NCOA3: variants seen among roughly 807,000 people sequenced by gnomAD.
NCOA3 encodes nuclear receptor coactivator 3.
Under a neutral mutation model 158.8 loss-of-function variants are expected in NCOA3, and 51 were observed. That is an observed-to-expected ratio of 0.32 (90% confidence interval 0.26 to 0.41). The LOEUF (loss-of-function observed/expected upper bound fraction) is 0.41, where lower values mean the gene tolerates loss of function less well. NCOA3 is among the 10% of genes least tolerant of loss of function. NCOA3 has a pLI of 1.00. For missense variants in NCOA3, 1,510 were observed against 1,746.6 expected, an observed-to-expected ratio of 0.86 and a Z score of 2.41; for synonymous variants, 537 against 592.4, an observed-to-expected ratio of 0.91 and a Z score of 1.36.
At chr20:47,537,737 AC>A (rs1237683273) in intron 1 of NCOA3, among the ~76,000 whole-genome samples, 2 of 151,696 alleles carry the variant, frequency 1.3e-5, no homozygotes, top group Non-Finnish European at 2.9e-5. Flanking sequence ...TTGTCACCAC[AC>A]CCGGCTAATT....
chr20:47,530,788 C>G (rs1178064081), intron 1 of NCOA3, among the ~76,000 whole-genome samples: 1 of 152,002 alleles, frequency 6.6e-6, no homozygotes, highest in African/African-American at 2.4e-5. Context: ...ATTTTAGGTT[C>G]CTGTTAATCT....
At chr20:47,647,401 CTTCT>C in intron 18 of NCOA3, 35 bp downstream of exon 18, 1 of 1,590,160 alleles carries the variant, frequency 6.3e-7, no homozygotes, top group Non-Finnish European at 8.6e-7. Flanking sequence ...CTGGCTTCTC[CTTCT>C]GTTGTTTTCA....
At position 47,655,447 on chromosome 20, in the gene NCOA3, G is replaced by A. The variant is rs918616364; in HGVS notation, c.*2030G>A. 1 of 152,324 alleles carries A rather than the reference G, an allele frequency of 6.6e-6. No individual in the cohort carries two copies. The highest frequency in any genetic ancestry group is 6.5e-5 in the Admixed American group (1 of 15,280). 9.4% of individuals were successfully genotyped at this position (152,324 alleles called of 1,614,324 possible). A position where few individuals can be genotyped will look rare whatever the true frequency, so the allele number is the denominator to read the frequency against. ...TAAGATCATTTAATATCTTTGATAT[G>A]CTTACGAGTAAGTGAATCCTGATTA... On this transcript the variant is annotated 3_prime_UTR_variant, in exon 23 of 23. Coordinates refer to ENST00000371998, the MANE Select transcript of NCOA3 (RefSeq NM_181659.3).
intron 3 of NCOA3, among the ~76,000 whole-genome samples, chr20:47,622,730 A>T (rs1423241204): frequency 6.6e-6 from 1 of 152,186 alleles, no homozygotes; most frequent in East Asian, 1.9e-4. Context: ...TGGTGGGATT[A>T]TCATTAGTTC....
chr20:47,635,123 C>G (rs1329592805), intron 10 of NCOA3, among the ~76,000 whole-genome samples, 199 bp from the exon 11 acceptor site: 1 of 151,924 alleles, frequency 6.6e-6, no homozygotes, highest in African/African-American at 2.4e-5. Flanking sequence ...GAGACATGAT[C>G]TTGCTGTGTT....
intron 1 of NCOA3, among the ~76,000 whole-genome samples, chr20:47,577,663 C>T (rs535932491): frequency 6.6e-6 from 1 of 152,274 alleles, no homozygotes; most frequent in African/African-American, 2.4e-5. Context: ...CTGTGATTTG[C>T]TTATTTCCAA....
intron 1 of NCOA3, among the ~76,000 whole-genome samples, chr20:47,506,907 A>G (rs1015317948): frequency 4.6e-5 from 7 of 152,180 alleles, no homozygotes; most frequent in African/African-American, 1.7e-4. Flanking sequence ...AATGAGGGTT[A>G]TGCAGCTTCA....
At chr20:47,651,412 T>A in intron 20 of NCOA3, 136 bp downstream of exon 20, 1 of 1,374,676 alleles carries the variant, frequency 7.3e-7, no homozygotes, top group Non-Finnish European at 9.7e-7. Flanking sequence ...CAAATTAATT[T>A]AAATGATTGG....
chr20:47,525,856 A>G (rs2084432392), intron 1 of NCOA3, among the ~76,000 whole-genome samples: 1 of 25,342 alleles, frequency 3.9e-5, no homozygotes. Context: ...GGTGCCCCTC[A>G]CTTCCCGGAT....
At chr20:47,520,956 C>T (rs913764890) in intron 1 of NCOA3, among the ~76,000 whole-genome samples, 6 of 152,242 alleles carry the variant, frequency 3.9e-5, no homozygotes, top group Non-Finnish European at 8.8e-5. Flanking sequence ...TCATCATCTA[C>T]ACGAACAACA....
intron 2 of NCOA3, among the ~76,000 whole-genome samples, chr20:47,596,879 C>A (rs2085765218): frequency 6.6e-6 from 1 of 152,166 alleles, no homozygotes; most frequent in African/African-American, 2.4e-5. Flanking sequence ...TGTGAGGCAC[C>A]ATACTAAGCC....
At chr20:47,622,086 TTA>T (rs1385205641) in intron 2 of NCOA3, 141 bp from the exon 3 acceptor site, 1 of 537,330 alleles carries the variant, frequency 1.9e-6, no homozygotes, top group Non-Finnish European at 3.3e-6. Flanking sequence ...GTATAGTCAT[TTA>T]TGAAAAAGAA....
chr20:47,532,139 T>TGTGTGTGTG (rs1555800968), intron 1 of NCOA3, among the ~76,000 whole-genome samples: 1 of 151,312 alleles, frequency 6.6e-6, no homozygotes, highest in South Asian at 2.1e-4. Context: ...TGTGTGTGTG[T>TGTGTGTGTG]TGCAGGGTTT....
At chr20:47,534,038 TAAG>T (rs989595445) in intron 1 of NCOA3, among the ~76,000 whole-genome samples, 2 of 139,330 alleles carry the variant, frequency 1.4e-5, no homozygotes, top group African/African-American at 5.3e-5. Flanking sequence ...AGAGAGGTGA[TAAG>T]AAGTGGTCAG....
At chr20:47,588,350 G>A (rs938018281) in intron 2 of NCOA3, among the ~76,000 whole-genome samples, 5 of 150,618 alleles carry the variant, frequency 3.3e-5, no homozygotes, top group Non-Finnish European at 7.4e-5. Context: ...GCCCAAGCTG[G>A]TCTCCAACTC....
intron 1 of NCOA3, among the ~76,000 whole-genome samples, chr20:47,507,337 T>C (rs2084045147): frequency 6.6e-6 from 1 of 152,222 alleles, no homozygotes; most frequent in African/African-American, 2.4e-5. Flanking sequence ...CCATCTTTAA[T>C]GCTTTTACCT....
intron 2 of NCOA3, among the ~76,000 whole-genome samples, chr20:47,588,866 A>G (rs150341433): frequency 6.6e-6 from 1 of 152,274 alleles, no homozygotes; most frequent in African/African-American, 2.4e-5. Flanking sequence ...TAATTGTAGT[A>G]AAATTTACAG....
At chr20:47,538,193 A>G (rs1164700800) in intron 1 of NCOA3, among the ~76,000 whole-genome samples, 2 of 152,182 alleles carry the variant, frequency 1.3e-5, no homozygotes, top group African/African-American at 4.8e-5. Flanking sequence ...TAGGTTTTTA[A>G]GCTCTAACTT....
At chr20:47,533,778 A>T (rs1324126201) in intron 1 of NCOA3, among the ~76,000 whole-genome samples, 1 of 152,116 alleles carries the variant, frequency 6.6e-6, no homozygotes, top group Non-Finnish European at 1.5e-5. Context: ...TGCAGAAATT[A>T]GCCCAGCATG....
Sources: gnomAD v4.1 joint callset for allele counts (sites outside exome capture counted in the v4.1 genomes callset) on GRCh38, gnomAD v4.1.1 for gene constraint, MANE v1.5 for transcripts, NCBI Gene and HGNC (gene_info 2026-07-23, HGNC 2026-07-21) for gene names.